The following KCNG3 variants were observed in gnomAD, a reference collection of about 807,000 sequenced individuals.
KCNG3 encodes the protein potassium voltage-gated channel modifier subfamily G member 3, also known as voltage-gated potassium channel regulatory subunit KCNG3.
KCNG3 carries 15 observed loss-of-function variants against 29.0 expected under a neutral mutation model. The ratio of observed to expected loss-of-function variants is 0.52; its 90% CI spans 0.35 to 0.80. The LOEUF (loss-of-function observed/expected upper bound fraction) is 0.80. Ranked by LOEUF, KCNG3 falls within the 30% of genes least tolerant of loss-of-function variation. The probability of loss-of-function intolerance (pLI) is 0.01; values close to 1 mark genes in which losing one functional copy is unlikely to be tolerated. For synonymous variants in KCNG3, 322 were observed against 248.9 expected, an observed-to-expected ratio of 1.29 and a Z score of -2.76; for missense variants, 512 against 605.7, an observed-to-expected ratio of 0.85 and a Z score of 1.62.
At chr2:42,447,250 G>GTA (rs1427900086) in intron 1 of KCNG3, among the ~76,000 whole-genome samples, 2 of 151,140 alleles carry the variant, frequency 1.3e-5, no homozygotes, top group South Asian at 2.1e-4. Flanking sequence ...ACTTACATGT[G>GTA]TATATATATG....
At chr2:42,460,578 G>C (rs1572849277) in intron 1 of KCNG3, among the ~76,000 whole-genome samples, 1 of 152,228 alleles carries the variant, frequency 6.6e-6, no homozygotes, top group East Asian at 1.9e-4. Context: ...CTTCATCTGG[G>C]AGACCACGGA....
chr2:42,451,540 C>G (rs1196921164), intron 1 of KCNG3, among the ~76,000 whole-genome samples: 1 of 151,984 alleles, frequency 6.6e-6, no homozygotes. Context: ...GCCTGGCCAA[C>G]ATGGTGAAAC....
At chr2:42,406,032 C>T in the KCNG3 span, among the ~76,000 whole-genome samples, 2 of 152,014 alleles carry the variant, frequency 1.3e-5, no homozygotes, top group East Asian at 1.9e-4. Flanking sequence ...CGTGAGCCAC[C>T]ATGCCCAGCC....
At chr2:42,403,594 C>G in the KCNG3 span, among the ~76,000 whole-genome samples, 27 of 150,108 alleles carry the variant, frequency 1.8e-4, 1 homozygote, top group South Asian at 5.7e-3. Context: ...ATTCTCCTGC[C>G]TCAGTCTCTC....
the KCNG3 span, among the ~76,000 whole-genome samples, chr2:42,399,735 C>T: frequency 1.3e-5 from 2 of 152,216 alleles, no homozygotes; most frequent in Non-Finnish European, 1.5e-5. Flanking sequence ...GAGCAGTTCC[C>T]ATCCCCTCTC....
chr2:42,493,064 C>A lies in KCNG3; in HGVS notation c.438G>T (p.Glu146Asp). The change falls in exon 1 of 2, where the codon GAG becomes GAT. Residue 146 changes from glutamate (E) to aspartate (D), a missense_variant. Transcript: ENST00000306078. ...GRDEARPGGAEAAPSRRWLER... is the reference protein window; with the variant it reads ...GRDEARPGGADAAPSRRWLER... Reference sequence around the variant, plus strand: ...CCAGCCAGCGCCTGGAGGGAGCCGCCTCGGCCCCGCCGGGGCGCGCCTCGT... The same window carrying A: ...CCAGCCAGCGCCTGGAGGGAGCCGCATCGGCCCCGCCGGGGCGCGCCTCGT... 1 of 1,535,816 alleles carries A rather than the reference C, an allele frequency of 6.5e-7. No individual in the cohort carries two copies.
At chr2:42,474,596 C>A (rs1572858540) in intron 1 of KCNG3, among the ~76,000 whole-genome samples, 1 of 152,264 alleles carries the variant, frequency 6.6e-6, no homozygotes, top group East Asian at 1.9e-4. Context: ...TACCTACCAA[C>A]TCTCATTTTA....
the KCNG3 span, among the ~76,000 whole-genome samples, chr2:42,419,838 T>A: frequency 4.3e-4 from 66 of 152,282 alleles, 1 homozygote; most frequent in East Asian, 0.011. Context: ...GCAGAACTGA[T>A]TTCAAGGCCA....
At chr2:42,395,243 A>G in the KCNG3 span, among the ~76,000 whole-genome samples, 1 of 152,184 alleles carries the variant, frequency 6.6e-6, no homozygotes, top group African/African-American at 2.4e-5. Context: ...GCACATGGAG[A>G]AGTGGTCCAT....
intron 1 of KCNG3, among the ~76,000 whole-genome samples, chr2:42,470,667 G>C (rs1673263525): frequency 6.6e-6 from 1 of 151,452 alleles, no homozygotes; most frequent in African/African-American, 2.4e-5. Context: ...TTGAGCCCAG[G>C]AGTTTGAAAC....
At chr2:42,438,557 A>G (rs918757711), downstream of KCNG3, among the ~76,000 whole-genome samples, 1 of 152,210 alleles carries the variant, frequency 6.6e-6, no homozygotes, top group Non-Finnish European at 1.5e-5. Flanking sequence ...AAACCAAAGA[A>G]TTCCCACCAA....
the KCNG3 span, among the ~76,000 whole-genome samples, chr2:42,397,527 A>T: frequency 2.0e-5 from 3 of 152,228 alleles, no homozygotes; most frequent in Non-Finnish European, 4.4e-5. Flanking sequence ...TATGGTTTAC[A>T]TATTCAAAAA....
chr2:42,469,286 G>A (rs1413752384), intron 1 of KCNG3, among the ~76,000 whole-genome samples: 2 of 151,768 alleles, frequency 1.3e-5, no homozygotes, highest in South Asian at 2.1e-4. Flanking sequence ...GTGTGGTGGT[G>A]CATGCCTGTA....
chr2:42,433,647 G>A, the KCNG3 span, among the ~76,000 whole-genome samples: 11 of 152,180 alleles, frequency 7.2e-5, no homozygotes, highest in East Asian at 1.9e-4. Context: ...GCTGAGGCAG[G>A]AGAATTGCTT....
intron 1 of KCNG3, among the ~76,000 whole-genome samples, chr2:42,471,155 A>AGTGTGTGTGTGTGTGTGTGT (rs565717729): frequency 7.3e-6 from 1 of 137,666 alleles, no homozygotes; most frequent in Non-Finnish European, 1.5e-5. Context: ...GTCTCAAAAA[A>AGTGTGTGTGTGTGTGTGTGT]GTGTGTGTGT....
chr2:42,415,570 T>C, the KCNG3 span: 1 of 152,164 alleles, frequency 6.6e-6, no homozygotes, highest in African/African-American at 2.4e-5. Flanking sequence ...ACATGTAACA[T>C]GAACAAGAAA....
intron 1 of KCNG3, among the ~76,000 whole-genome samples, chr2:42,458,612 T>C (rs933281064): frequency 9.9e-5 from 15 of 152,232 alleles, no homozygotes; most frequent in African/African-American, 3.6e-4. Flanking sequence ...AAATAACCCT[T>C]ATCTTTTCTG....
intron 1 of KCNG3, among the ~76,000 whole-genome samples, chr2:42,464,802 G>GCAGT (rs1380434201): frequency 6.6e-6 from 1 of 152,184 alleles, no homozygotes; most frequent in Admixed American, 6.5e-5. Context: ...TGTTCCTACA[G>GCAGT]CAGTCAGTGC....
the KCNG3 span, among the ~76,000 whole-genome samples, chr2:42,408,571 G>C: frequency 3.9e-5 from 6 of 152,044 alleles, no homozygotes; most frequent in African/African-American, 1.5e-4. Context: ...TCTTTGCTAG[G>C]AGCTGAACAC....
Sources: allele counts gnomAD v4.1 joint callset (sites outside exome capture counted in the v4.1 genomes callset), GRCh38; gene constraint gnomAD v4.1.1; transcripts MANE v1.5; gene names NCBI Gene and HGNC (gene_info 2026-07-23, HGNC 2026-07-21).